The following PPP4R1 variants were observed in gnomAD, a reference collection of about 807,000 sequenced individuals.
The protein encoded by PPP4R1 is protein phosphatase 4 regulatory subunit 1.
A neutral mutation model predicts 111.2 loss-of-function variants in PPP4R1; 42 were observed. That is an observed-to-expected ratio of 0.38 (90% CI 0.29 to 0.49). The LOEUF is 0.49. PPP4R1 is among the 20% of genes least tolerant of loss of function. The pLI is 0.97. For synonymous variants in PPP4R1, 409 were observed against 405.5 expected, an observed-to-expected ratio of 1.01 and a Z score of -0.10; for missense variants, 1,012 against 1,161.6, an observed-to-expected ratio of 0.87 and a Z score of 1.87.
In PPP4R1 at chr18:9,550,305, A is replaced by T; in HGVS notation, c.2385T>A (p.Ser795=). The change falls in exon 17 of 20, where the codon TCT becomes TCA. Residue 795 remains serine, a synonymous_variant. Transcript: ENST00000400556. ...ACTTGTAGGAAATCCAACGAACAGAAGAAACTTTGTCTGCACACAGATTCA... is the reference window on the plus strand; with the variant it reads ...ACTTGTAGGAAATCCAACGAACAGATGAAACTTTGTCTGCACACAGATTCA... ...IALNLCADKV[S]SVRWISYKLV... 6.2e-7 allele frequency: 1 copy of T among 1,614,188 alleles called. No homozygotes were observed. The highest frequency in any genetic ancestry group is 8.5e-7 in the Non-Finnish European group (1 of 1,180,026).
chr18:9,594,627 A>T (rs2067262758), intron 3 of PPP4R1: 1 of 164,764 alleles, frequency 6.1e-6, no homozygotes, highest in Non-Finnish European at 1.3e-5. Flanking sequence ...ACAATGCAGT[A>T]GGAAGAGTGC....
At chr18:9,549,701 G>T in intron 18 of PPP4R1, 1 of 463,438 alleles carries the variant, frequency 2.2e-6, no homozygotes, top group Non-Finnish European at 3.9e-6. Context: ...ATGCAGTGAG[G>T]AACAGTGAGG....
At position 9,614,173 on chromosome 18, in the gene PPP4R1, TC is replaced by T; in HGVS notation, c.52+52del. On this transcript the variant is annotated intron_variant, in intron 2 of 19. Transcript: ENST00000400556. This position sits in a 1 kb window ranked among gnomAD's most constrained non-coding sequence, Gnocchi z 4.1. The stretch of plus-strand genomic sequence containing the variant: ...GCCCAGGCCTCGCCGCCGCCCGCCC[TC>T]CCCGGCCGCTCCCCGCGGACTGCCA... 2.3e-6 allele frequency: 3 copies of T among 1,277,778 alleles called. No individual in the cohort carries two copies. The highest frequency in any genetic ancestry group is 2.0e-5 in the South Asian group (1 of 50,064). 79.2% of individuals were successfully genotyped at this position (1,277,778 alleles called of 1,614,324 possible).
At chr18:9,605,012 T>C (rs993319165) in intron 2 of PPP4R1, among the ~76,000 whole-genome samples, 1 of 152,182 alleles carries the variant, frequency 6.6e-6, no homozygotes. Flanking sequence ...CAAACTTTTA[T>C]CAAAATTGAT....
chr18:9,606,289 C>G (rs2067480690), intron 2 of PPP4R1, among the ~76,000 whole-genome samples: 1 of 152,210 alleles, frequency 6.6e-6, no homozygotes, highest in East Asian at 1.9e-4. Flanking sequence ...GCGAGCCAAA[C>G]TGGCCCACCT....
intron 4 of PPP4R1, among the ~76,000 whole-genome samples, chr18:9,593,278 T>G (rs2067241193): frequency 1.3e-5 from 2 of 152,182 alleles, no homozygotes; most frequent in South Asian, 4.1e-4. Flanking sequence ...AACATCACCA[T>G]TTTCTAAGCC....
At chr18:9,564,726 GTGTGTGTGT>G in intron 11 of PPP4R1, among the ~76,000 whole-genome samples, 1 of 51,980 alleles carries the variant, frequency 1.9e-5, no homozygotes, top group Middle Eastern at 0.011. Flanking sequence ...GTGTGTGTGT[GTGTGTGTGT>G]GTGGGGGTAT....
At chr18:9,548,483 T>C (rs1264764996) in intron 19 of PPP4R1, among the ~76,000 whole-genome samples, 1 of 152,064 alleles carries the variant, frequency 6.6e-6, no homozygotes, top group Non-Finnish European at 1.5e-5. Context: ...ACAAATACTA[T>C]GGGGCATCTG....
intron 2 of PPP4R1, among the ~76,000 whole-genome samples, chr18:9,598,154 G>A (rs895679759): frequency 6.6e-6 from 1 of 152,046 alleles, no homozygotes; most frequent in Non-Finnish European, 1.5e-5. Context: ...ATATGGGGGA[G>A]GAAGAGAATT....
chr18:9,614,209 G>A lies in PPP4R1; in HGVS notation c.52+17C>T, dbSNP rs763346826. The A allele has an allele frequency of 3.7e-6, 5 of 1,355,876 alleles. No individual in the cohort carries two copies. The South Asian group carries it at 6.6e-5, about 18-fold the overall frequency. 84.0% of individuals were successfully genotyped at this position (1,355,876 alleles called of 1,614,324 possible). On this transcript the variant is annotated intron_variant, in intron 2 of 19. Transcript: ENST00000400556. This position sits in a 1 kb window ranked among gnomAD's most constrained non-coding sequence, Gnocchi z 4.1. The stretch of plus-strand genomic sequence containing the variant: ...TCCCCGCGGACTGCCAGGCCACCGC[G>A]AGGCCGGGCCACTCACATCCGTCTG...
chr18:9,565,542 T>C (rs909099932), intron 11 of PPP4R1, among the ~76,000 whole-genome samples: 1 of 152,216 alleles, frequency 6.6e-6, no homozygotes, highest in Admixed American at 6.5e-5. Flanking sequence ...GAAAAGTTCT[T>C]GAAGGACATT....
intron 4 of PPP4R1, among the ~76,000 whole-genome samples, chr18:9,590,755 C>G (rs1306650590): frequency 2.0e-5 from 3 of 151,562 alleles, no homozygotes; most frequent in African/African-American, 7.3e-5. Context: ...AGGTGGAATA[C>G]AGATCTGAAT....
chr18:9,583,371 T>G, intron 8 of PPP4R1, 96 bp from the exon 9 acceptor site: 1 of 1,235,932 alleles, frequency 8.1e-7, no homozygotes, highest in Non-Finnish European at 1.1e-6. Flanking sequence ...TTCTTTTGTT[T>G]GTTTGTTTGT....
intron 2 of PPP4R1, among the ~76,000 whole-genome samples, chr18:9,608,393 C>T (rs1448021305): frequency 6.6e-6 from 1 of 152,196 alleles, no homozygotes; most frequent in Admixed American, 6.5e-5. Flanking sequence ...AGAATGACTG[C>T]ATGATAGATG....
chr18:9,614,326 GCCCCCCCC>G lies in PPP4R1; in HGVS notation c.8-64_8-57del, dbSNP rs1199992429. On this transcript the variant is annotated intron_variant, in intron 1 of 19. Transcript: ENST00000400556. The surrounding 1 kb of genome is among the most constrained non-coding windows in gnomAD (Gnocchi z 4.1). Reference sequence around the variant, plus strand: ...TCAGCGCCCCGGGGCCCGGCGCGACGCCCCCCCCCCGCCCGCCTCCCCCCCGCCCCGGG... The same window carrying G: ...TCAGCGCCCCGGGGCCCGGCGCGACGCCGCCCGCCTCCCCCCCGCCCCGGG... 14 of 949,908 alleles carry G rather than the reference GCCCCCCCC, an allele frequency of 1.5e-5. No homozygotes were observed. Among genetic ancestry groups the G allele is most frequent in the Admixed American group, 6.4e-5 (1 of 15,508 alleles). The allele number at this position is 949,908 out of a possible 1,614,324, so 58.8% of individuals were successfully genotyped here. A position where few individuals can be genotyped will look rare whatever the true frequency, so the allele number is the denominator to read the frequency against.
At chr18:9,560,781 G>C (rs1236147386) in intron 13 of PPP4R1, among the ~76,000 whole-genome samples, 1 of 150,856 alleles carries the variant, frequency 6.6e-6, no homozygotes, top group Non-Finnish European at 1.5e-5. Context: ...TCGAATGCTT[G>C]AGCCCAGGAG....
intron 2 of PPP4R1, 111 bp from the exon 3 acceptor site, chr18:9,595,264 C>A: frequency 1.8e-6 from 2 of 1,139,522 alleles, no homozygotes; most frequent in Non-Finnish European, 2.4e-6. Flanking sequence ...AAAAAAATCA[C>A]AAGAGACTCT....
chr18:9,587,798 C>T (rs1305055731), intron 6 of PPP4R1, among the ~76,000 whole-genome samples: 2 of 151,972 alleles, frequency 1.3e-5, no homozygotes, highest in East Asian at 1.9e-4. Flanking sequence ...CTACAACCTC[C>T]ACCTCCTCCC....
Position 9,550,267 on chromosome 18 carries a change from T to C in PPP4R1, c.2412+11A>G, listed in dbSNP as rs1221255306. Reference sequence around the variant, plus strand: ...TTTGCTGATCTAAAATTTTAAAAGTTCAATACATACCAACTTGTAGGAAAT... The same window carrying C: ...TTTGCTGATCTAAAATTTTAAAAGTCCAATACATACCAACTTGTAGGAAAT... On this transcript the variant is annotated intron_variant, in intron 17 of 19. Transcript: ENST00000400556. The C allele has an allele frequency of 6.2e-7, 1 of 1,613,766 alleles. No homozygotes were observed. The highest frequency in any genetic ancestry group is 1.3e-5 in the African/African-American group (1 of 74,848).
Sources: gnomAD v4.1 joint callset for allele counts (sites outside exome capture counted in the v4.1 genomes callset) on GRCh38, gnomAD v4.1.1 for gene constraint, Gnocchi (gnomAD v3.1) non-coding constraint, MANE v1.5 for transcripts, NCBI Gene and HGNC (gene_info 2026-07-23, HGNC 2026-07-21) for gene names.